CARMIL2: variants seen among roughly 807,000 people sequenced by gnomAD.
The protein encoded by CARMIL2 is capping protein regulator and myosin 1 linker 2.
Under a neutral mutation model 173.3 loss-of-function variants are expected in CARMIL2, and 96 were observed. The ratio of observed to expected loss-of-function variants is 0.55; its 90% CI spans 0.47 to 0.66. CARMIL2 has a LOEUF of 0.66. Ranked by LOEUF, CARMIL2 falls within the 30% of genes least tolerant of loss-of-function variation. The pLI, the probability that CARMIL2 is intolerant of heterozygous loss-of-function variation, is 0.00. For synonymous variants in CARMIL2, 830 were observed against 817.1 expected (o/e 1.02, Z -0.27); for missense variants, 1,771 against 1,906.7 (o/e 0.93, Z 1.33).
rs201501379 is a variant in CARMIL2, at chr16:67,656,312, C to T, written c.3814+13C>T. 33 of 1,613,856 alleles carry T rather than the reference C, an allele frequency of 2.0e-5. No homozygotes were observed. In the East Asian group the frequency reaches 4.9e-4, roughly 24 times the overall value. On this transcript the variant is annotated intron_variant, in intron 34 of 37. Transcript: ENST00000334583. ...TCTGTGTCTGCTGGTGAGTGAGGGC[C>T]ACTGTGTGTGTTGGTAGTGGGAGCA...
Position 67,651,396 on chromosome 16 carries a change from C to T in CARMIL2, c.2314-5C>T, listed in dbSNP as rs2052720127. ...TCGCAACTGCTTTTCCTCTTTGGCC[C>T]TCAGATTCTCCCCATTCTATATGAA... On this transcript the variant is annotated splice_region_variant and splice_polypyrimidine_tract_variant and intron_variant, in intron 23 of 37. Coordinates refer to ENST00000334583, the MANE Select transcript of CARMIL2 (RefSeq NM_001013838.3). The surrounding 1 kb of genome is among the most constrained non-coding windows in gnomAD (Gnocchi z 4.2). 3.1e-6 allele frequency: 5 copies of T among 1,592,496 alleles called. No individual in the cohort carries two copies. Among genetic ancestry groups the T allele is most frequent in the East Asian group, 4.5e-5 (2 of 44,564 alleles).
In CARMIL2 at chr16:67,646,863, GC is replaced by G; in HGVS notation, c.538-33del. ...GCTGAGCCCCTCCCTGCCCCTTGTGGCCCCAGGCGAACTGTAAGCATCTCCT... is the reference window on the plus strand; with the variant it reads ...GCTGAGCCCCTCCCTGCCCCTTGTGGCCCAGGCGAACTGTAAGCATCTCCT... On this transcript the variant is annotated intron_variant, in intron 7 of 37. Coordinates refer to ENST00000334583, the MANE Select transcript of CARMIL2 (RefSeq NM_001013838.3). This position sits in a 1 kb window ranked among gnomAD's most constrained non-coding sequence, Gnocchi z 4.6. 1 of 1,613,390 alleles carries G rather than the reference GC, an allele frequency of 6.2e-7. No individual in the cohort carries two copies. Among genetic ancestry groups the G allele is most frequent in the African/African-American group, 1.3e-5 (1 of 75,054 alleles).
chr16:67,651,856 TG>T lies in CARMIL2; in HGVS notation c.2588+15del, dbSNP rs781174910. On this transcript the variant is annotated intron_variant, in intron 25 of 37. Coordinates refer to ENST00000334583, the MANE Select transcript of CARMIL2 (RefSeq NM_001013838.3). The surrounding 1 kb of genome is among the most constrained non-coding windows in gnomAD (Gnocchi z 4.2). ...CTTCACTAGGCTCAGGTAGGCTGGA[TG>T]GGGCTGGGCTGGGCAAGGCTGAGCA... 32 of 1,612,668 alleles carry T rather than the reference TG, an allele frequency of 2.0e-5. No homozygotes were observed. Among genetic ancestry groups the T allele is most frequent in the Non-Finnish European group, 2.6e-5 (31 of 1,179,590 alleles).
Position 67,646,506 on chromosome 16 carries a change from G to A in CARMIL2, c.455G>A (p.Cys152Tyr), listed in dbSNP as rs753235004. The A allele has an allele frequency of 1.2e-6, 2 of 1,613,156 alleles. No homozygotes were observed. The highest frequency in any genetic ancestry group is 2.2e-5 in the East Asian group (1 of 44,878). Reference protein sequence around the residue: ...RSSPSESTDPCSPCGGFLETY... With the variant: ...RSSPSESTDPYSPCGGFLETY... ...AGCCCCTCGGAGTCCACTGACCCCT[G>A]CAGCCCCTGTGGTAAGGGTGAAGGC... Residue 152 changes from cysteine to tyrosine, a missense_variant, in exon 6 of 38, where the codon TGC becomes TAC. Cys to Tyr is a radical substitution (Grantham distance 194, BLOSUM62 -2). This residue lies in a region of CARMIL2 where 944 missense variants were observed against 975.6 expected (regional missense o/e 0.97). Coordinates refer to ENST00000334583, the MANE Select transcript of CARMIL2 (RefSeq NM_001013838.3). The surrounding 1 kb of genome is among the most constrained non-coding windows in gnomAD (Gnocchi z 4.6).
chr16:67,648,644 C>T lies in CARMIL2; in HGVS notation c.1440-41C>T. On this transcript the variant is annotated intron_variant, in intron 15 of 37. Transcript: ENST00000334583. This position sits in a 1 kb window ranked among gnomAD's most constrained non-coding sequence, Gnocchi z 6.1. ...TCCTTCGTTCGCACCCTGGAGCCCC[C>T]TGTCCCAGCTCCCGCCACCCCGTGT... 2.5e-6 allele frequency: 4 copies of T among 1,572,080 alleles called. No homozygotes were observed. Among genetic ancestry groups the T allele is most frequent in the Non-Finnish European group, 3.5e-6 (4 of 1,156,552 alleles).
chr16:67,649,715 T>C lies in CARMIL2; in HGVS notation c.1920-91T>C. On this transcript the variant is annotated intron_variant, in intron 20 of 37. Coordinates refer to ENST00000334583, the MANE Select transcript of CARMIL2 (RefSeq NM_001013838.3). The surrounding 1 kb of genome is among the most constrained non-coding windows in gnomAD (Gnocchi z 6.7). ...GAGGGACTGAATGAGGCGGAGCAAATGGAGCAGGCTGACGAGGCGAATGGA... is the reference window on the plus strand; with the variant it reads ...GAGGGACTGAATGAGGCGGAGCAAACGGAGCAGGCTGACGAGGCGAATGGA... 1 of 1,565,420 alleles carries C rather than the reference T, an allele frequency of 6.4e-7. No homozygotes were observed. The highest frequency in any genetic ancestry group is 1.2e-5 in the South Asian group (1 of 84,406).
In CARMIL2 at chr16:67,651,491, G is replaced by A. The variant is rs1180363542; in HGVS notation, c.2404G>A (p.Glu802Lys). The A allele has an allele frequency of 8.8e-6, 14 of 1,593,978 alleles. No individual in the cohort carries two copies. The highest frequency in any genetic ancestry group is 6.7e-5 in the African/African-American group (5 of 74,480). The change falls in exon 24 of 38, where the codon GAG (glutamate) becomes AAG (lysine). Residue 802 changes from glutamate (E) to lysine (K), a missense_variant. By Grantham distance (56) the Glu-to-Lys change is moderately conservative. Around this residue, in one of 3 missense-constraint regions of CARMIL2, gnomAD observed 817 missense variants for 903.5 expected, o/e 0.90. Coordinates refer to ENST00000334583, the MANE Select transcript of CARMIL2 (RefSeq NM_001013838.3). This position sits in a 1 kb window ranked among gnomAD's most constrained non-coding sequence, Gnocchi z 4.2. ...KLEGLLRQVGEVCRQDIQDFT... is the reference protein window; with the variant it reads ...KLEGLLRQVGKVCRQDIQDFT... Reference sequence around the variant, plus strand: ...GGAGGGCCTTCTGAGACAGGTGGGCGAGGTCTGCCGCCAGGACATCCAGGT... The same window carrying A: ...GGAGGGCCTTCTGAGACAGGTGGGCAAGGTCTGCCGCCAGGACATCCAGGT...
At chr16:67,656,398 C>T in intron 34 of CARMIL2, 26 bp from the exon 35 acceptor site, 1 of 1,608,408 alleles carries the variant, frequency 6.2e-7, no homozygotes, top group Non-Finnish European at 8.5e-7. Flanking sequence ...CTGACCAGGT[C>T]TTGGCTGACA....
Position 67,649,619 on chromosome 16 carries a change from G to A in CARMIL2, c.1919G>A (p.Arg640Gln), listed in dbSNP as rs1275821153. 1 of 1,591,044 alleles carries A rather than the reference G, an allele frequency of 6.3e-7. No homozygotes were observed. Among genetic ancestry groups the A allele is most frequent in the Non-Finnish European group, 8.5e-7 (1 of 1,174,456 alleles). The change falls in exon 20 of 38, where the codon CGG (arginine) becomes CAG (glutamine). Residue 640 changes from arginine (R) to glutamine (Q), a missense_variant and splice_region_variant. This residue lies in a region of CARMIL2 where 944 missense variants were observed against 975.6 expected (regional missense o/e 0.97). Transcript: ENST00000334583. This position sits in a 1 kb window ranked among gnomAD's most constrained non-coding sequence, Gnocchi z 6.7. ...AKALRVNSRL[R>Q]SVVWDRNHTS... ...GCGCTGCGGGTCAACTCGAGGCTCC[G>A]GTGGGCGGGGTCAGAGGGGTGGGAC...
chr16:67,645,938 G>C, intron 3 of CARMIL2, 80 bp from the exon 4 acceptor site: 1 of 1,590,504 alleles, frequency 6.3e-7, no homozygotes, highest in East Asian at 2.2e-5. Flanking sequence ...ATCTGGCTCT[G>C]CCCCAGGCTG....
In CARMIL2 at chr16:67,653,221, G is replaced by A; in HGVS notation, c.3087G>A (p.Gln1029=). 1.8e-6 allele frequency: 2 copies of A among 1,138,124 alleles called. No homozygotes were observed. The highest frequency in any genetic ancestry group is 8.5e-5 in the South Asian group (2 of 23,518). The allele number at this position is 1,138,124 out of a possible 1,614,324, so 70.5% of individuals were successfully genotyped here. A position where few individuals can be genotyped will look rare whatever the true frequency, so the allele number is the denominator to read the frequency against. ...GGGCCCGGCCGCGGCCGCGCCGCCA[G>A]CACCACCACCGCCCGCCGCCGGGGG... is the stretch of plus-strand genomic sequence containing the variant. ...PTRARPRPRR[Q]HHHRPPPGGP... is the part of the protein sequence containing the mutation. Residue 1029 remains glutamine, a synonymous_variant, in exon 29 of 38, where the codon CAG becomes CAA. Coordinates refer to ENST00000334583, the MANE Select transcript of CARMIL2 (RefSeq NM_001013838.3). The surrounding 1 kb of genome is among the most constrained non-coding windows in gnomAD (Gnocchi z 7.4).
chr16:67,655,977 G>C, intron 32 of CARMIL2, 54 bp from the exon 33 acceptor site: 1 of 1,551,776 alleles, frequency 6.4e-7, no homozygotes, highest in African/African-American at 1.4e-5. Context: ...CGAACAAAAG[G>C]CTAGGGTGTG....
Position 67,650,042 on chromosome 16 carries a change from C to T in CARMIL2, c.2083-7C>T. On this transcript the variant is annotated splice_region_variant and splice_polypyrimidine_tract_variant and intron_variant, in intron 21 of 37. Coordinates refer to ENST00000334583, the MANE Select transcript of CARMIL2 (RefSeq NM_001013838.3). ...CCTCGGCATTTCTCAATACCCCTTG[C>T]CCCTAGATCCAAGCCTGTCTCTTGA... 4 of 1,613,776 alleles carry T rather than the reference C, an allele frequency of 2.5e-6. No individual in the cohort carries two copies. The highest frequency in any genetic ancestry group is 3.4e-6 in the Non-Finnish European group (4 of 1,179,796).
chr16:67,645,821 C>T lies in CARMIL2; in HGVS notation c.186+44C>T, dbSNP rs1401584725. ...CCACACCCCCGCCCGCCAGCAGCTA[C>T]CTTGGCAGGGGGCTGCATCTGCAGA... On this transcript the variant is annotated intron_variant, in intron 3 of 37. Coordinates refer to ENST00000334583, the MANE Select transcript of CARMIL2 (RefSeq NM_001013838.3). The T allele has an allele frequency of 1.9e-6, 3 of 1,605,384 alleles. No homozygotes were observed. In the African/African-American group the frequency reaches 4.0e-5, roughly 21 times the overall value.
rs1465225672 is a variant in CARMIL2, at chr16:67,649,001, G to A, written c.1591+27G>A. 1 of 1,602,952 alleles carries A rather than the reference G, an allele frequency of 6.2e-7. No individual in the cohort carries two copies. Among genetic ancestry groups the A allele is most frequent in the Admixed American group, 1.7e-5 (1 of 58,234 alleles). On this transcript the variant is annotated intron_variant, in intron 17 of 37. Coordinates refer to ENST00000334583, the MANE Select transcript of CARMIL2 (RefSeq NM_001013838.3). The surrounding 1 kb of genome is among the most constrained non-coding windows in gnomAD (Gnocchi z 6.7). ...TGAGGCTGCAGGAGAGCCCATCCTC[G>A]CATCATCCACTCGATTCCCAATCCC...
chr16:67,649,415 T>C lies in CARMIL2; in HGVS notation c.1747-32T>C. Reference sequence around the variant, plus strand: ...TGACCTGCCCTCACTGACCCCTGACTCCAGCCATCAATGGCTTTCTCTTAA... The same window carrying C: ...TGACCTGCCCTCACTGACCCCTGACCCCAGCCATCAATGGCTTTCTCTTAA... On this transcript the variant is annotated intron_variant, in intron 19 of 37. Transcript: ENST00000334583. This position sits in a 1 kb window ranked among gnomAD's most constrained non-coding sequence, Gnocchi z 6.7. The C allele has an allele frequency of 2.5e-6, 4 of 1,611,458 alleles. No individual in the cohort carries two copies. The highest frequency in any genetic ancestry group is 3.4e-6 in the Non-Finnish European group (4 of 1,179,720).
rs1485570923 is a variant in CARMIL2, at chr16:67,649,918, G to A, written c.2032G>A (p.Ala678Thr). 9 of 1,613,126 alleles carry A rather than the reference G, an allele frequency of 5.6e-6. No individual in the cohort carries two copies. The highest frequency in any genetic ancestry group is 3.3e-5 in the South Asian group (3 of 91,078). Residue 678 changes from alanine (A) to threonine (T), a missense_variant, in exon 21 of 38, where the codon GCC becomes ACC. Ala to Thr is a moderately conservative substitution (Grantham distance 58, BLOSUM62 0). Coordinates refer to ENST00000334583, the MANE Select transcript of CARMIL2 (RefSeq NM_001013838.3). This position sits in a 1 kb window ranked among gnomAD's most constrained non-coding sequence, Gnocchi z 6.7. ...KAMPLPLNDV[A>T]QAQRSRPELT... ...CATGCCTCTGCCACTGAACGACGTGGCCCAGGCGCAGCGCAGCCGCCCGGA... is the reference window on the plus strand; with the variant it reads ...CATGCCTCTGCCACTGAACGACGTGACCCAGGCGCAGCGCAGCCGCCCGGA...
chr16:67,652,134 T>C lies in CARMIL2; in HGVS notation c.2677-65T>C, dbSNP rs1419405690. On this transcript the variant is annotated intron_variant, in intron 26 of 37. Coordinates refer to ENST00000334583, the MANE Select transcript of CARMIL2 (RefSeq NM_001013838.3). The surrounding 1 kb of genome is among the most constrained non-coding windows in gnomAD (Gnocchi z 4.7). ...GCCCAGGGCTATTTCAGGGTCCCCTTAGTTAGCATCAATGGGATCATGGCT... is the reference window on the plus strand; with the variant it reads ...GCCCAGGGCTATTTCAGGGTCCCCTCAGTTAGCATCAATGGGATCATGGCT... The C allele has an allele frequency of 6.3e-7, 1 of 1,597,346 alleles. No individual in the cohort carries two copies. The highest frequency in any genetic ancestry group is 1.3e-5 in the African/African-American group (1 of 74,610).
At position 67,649,725 on chromosome 16, in the gene CARMIL2, T is replaced by C. The variant is rs1447080296; in HGVS notation, c.1920-81T>C. ...ATGAGGCGGAGCAAATGGAGCAGGCTGACGAGGCGAATGGACTAGGCCGAG... is the reference window on the plus strand; with the variant it reads ...ATGAGGCGGAGCAAATGGAGCAGGCCGACGAGGCGAATGGACTAGGCCGAG... On this transcript the variant is annotated intron_variant, in intron 20 of 37. Transcript: ENST00000334583. The surrounding 1 kb of genome is among the most constrained non-coding windows in gnomAD (Gnocchi z 6.7). 54 of 1,570,552 alleles carry C rather than the reference T, an allele frequency of 3.4e-5. No individual in the cohort carries two copies. The highest frequency in any genetic ancestry group is 4.3e-5 in the Non-Finnish European group (50 of 1,157,262).
Sources: allele counts gnomAD v4.1 joint callset, GRCh38; gene constraint gnomAD v4.1.1; regional missense constraint gnomAD v4.1.1; non-coding constraint Gnocchi (gnomAD v3.1); transcripts MANE v1.5; gene names NCBI Gene and HGNC (gene_info 2026-07-23, HGNC 2026-07-21).